The following SFMBT1 variants were observed in gnomAD, a reference collection of about 807,000 sequenced individuals.
SFMBT1 encodes Scm like with four mbt domains 1.
A neutral mutation model predicts 108.7 loss-of-function variants in SFMBT1; 32 were observed. That is an observed-to-expected ratio of 0.29 (90% CI 0.22 to 0.40). The LOEUF is 0.40. Among genes scored for constraint, SFMBT1 ranks in the 10% least tolerant of loss-of-function variants. SFMBT1 has a pLI of 1.00. For missense variants in SFMBT1, 816 were observed against 1,059.6 expected, an observed-to-expected ratio of 0.77 and a Z score of 3.19; for synonymous variants, 348 against 369.5, an observed-to-expected ratio of 0.94 and a Z score of 0.67.
At chr3:52,975,051 C>T (rs1035486066) in intron 1 of SFMBT1, among the ~76,000 whole-genome samples, 5 of 151,112 alleles carry the variant, frequency 3.3e-5, no homozygotes, top group African/African-American at 1.2e-4. Context: ...ATTTTATAAA[C>T]CCAACACAGG....
intron 1 of SFMBT1, among the ~76,000 whole-genome samples, chr3:52,973,135 T>G (rs1165773489): frequency 4.6e-5 from 7 of 152,148 alleles, no homozygotes; most frequent in Admixed American, 4.6e-4. Context: ...AAGGATCTCT[T>G]GAGCCCAGGA....
chr3:52,947,676 T>C (rs558690612), intron 3 of SFMBT1, among the ~76,000 whole-genome samples: 1 of 152,222 alleles, frequency 6.6e-6, no homozygotes, highest in Non-Finnish European at 1.5e-5. Context: ...CTTAAATTTA[T>C]TGTAGTCTAA....
chr3:52,969,033 C>A lies in SFMBT1; in HGVS notation c.28+68G>T. The A allele has an allele frequency of 1.9e-6, 3 of 1,575,458 alleles. No individual in the cohort carries two copies. The Admixed American group carries it at 5.1e-5, about 27-fold the overall frequency. ...TCCAGTTCAGTGGTAGAGAAACAGA[C>A]AATATAACACAGGCAAGTAATATAA... On this transcript the variant is annotated intron_variant, in intron 2 of 20. Coordinates refer to ENST00000394752, the MANE Select transcript of SFMBT1 (RefSeq NM_016329.4).
chr3:52,968,531 A>G (rs1704223229), intron 2 of SFMBT1, among the ~76,000 whole-genome samples: 1 of 152,184 alleles, frequency 6.6e-6, no homozygotes, highest in Non-Finnish European at 1.5e-5. Flanking sequence ...TAATTACTTC[A>G]AAATAACTAG....
intron 5 of SFMBT1, 99 bp downstream of exon 5, chr3:52,934,714 G>A (rs1702953119): frequency 9.4e-6 from 9 of 959,882 alleles, no homozygotes; most frequent in Middle Eastern, 2.2e-4. Context: ...TAATAATAAC[G>A]TTTATTTTCT....
intron 1 of SFMBT1, among the ~76,000 whole-genome samples, chr3:53,020,882 C>A (rs964307885): frequency 6.6e-6 from 1 of 152,124 alleles, no homozygotes; most frequent in Non-Finnish European, 1.5e-5. Flanking sequence ...CATGGAGAAA[C>A]CTTGTCTCTA....
At chr3:52,977,185 C>T (rs1704546290) in intron 1 of SFMBT1, among the ~76,000 whole-genome samples, 1 of 152,068 alleles carries the variant, frequency 6.6e-6, no homozygotes, top group Non-Finnish European at 1.5e-5. Context: ...TAGCAAGAAC[C>T]AAAATGTTTG....
At chr3:52,907,414 C>T in intron 18 of SFMBT1, 100 bp from the exon 19 acceptor site, 1 of 1,522,292 alleles carries the variant, frequency 6.6e-7, no homozygotes, top group Non-Finnish European at 8.8e-7. Flanking sequence ...AAATTCAGGA[C>T]AAACCAGTTC....
chr3:52,949,521 TA>T (rs1703494279), intron 3 of SFMBT1, among the ~76,000 whole-genome samples: 1 of 151,906 alleles, frequency 6.6e-6, no homozygotes, highest in East Asian at 1.9e-4. Context: ...TAAGGACTGT[TA>T]CGTCTTCTTG....
intron 1 of SFMBT1, among the ~76,000 whole-genome samples, chr3:53,001,068 C>T (rs937989032): frequency 6.7e-6 from 1 of 149,722 alleles, no homozygotes; most frequent in African/African-American, 2.4e-5. Context: ...TTGACATTCT[C>T]CCTAACAAGT....
At chr3:53,033,418 C>A (rs1354461009) in intron 1 of SFMBT1, among the ~76,000 whole-genome samples, 2 of 152,118 alleles carry the variant, frequency 1.3e-5, no homozygotes, top group Non-Finnish European at 2.9e-5. Context: ...GCCTCGGCCT[C>A]CCAAAGTGCT....
rs1489161635 is a variant in SFMBT1, at chr3:52,931,290, T to G, written c.701-255A>C. ...TAATGATTGTTGTAATCCATAAAATTGTAATATAACATCCAAATTGGGGCA... is the reference window on the plus strand; with the variant it reads ...TAATGATTGTTGTAATCCATAAAATGGTAATATAACATCCAAATTGGGGCA... On this transcript the variant is annotated intron_variant, in intron 6 of 20. Coordinates refer to ENST00000394752, the MANE Select transcript of SFMBT1 (RefSeq NM_016329.4). Among the ~76,000 whole-genome samples the G allele has an allele frequency of 3.3e-5, 5 of 152,310 alleles. No individual in the cohort carries two copies. The East Asian group carries it at 9.6e-4, about 29-fold the overall frequency.
chr3:52,955,072 G>T (rs564687482), intron 2 of SFMBT1, among the ~76,000 whole-genome samples: 1 of 152,098 alleles, frequency 6.6e-6, no homozygotes, highest in African/African-American at 2.4e-5. Flanking sequence ...GAATAGAACT[G>T]AAGGAGATAG....
intron 1 of SFMBT1, among the ~76,000 whole-genome samples, chr3:53,035,037 C>T (rs190985462): frequency 2.0e-5 from 3 of 152,340 alleles, no homozygotes; most frequent in Admixed American, 2.0e-4. Flanking sequence ...CTTAGCAGAA[C>T]AACACCCTAA....
chr3:52,910,186 C>A (rs186793120), intron 17 of SFMBT1, among the ~76,000 whole-genome samples: 1 of 152,200 alleles, frequency 6.6e-6, no homozygotes, highest in Non-Finnish European at 1.5e-5. Flanking sequence ...AAATACTGAC[C>A]CCTCTCTAAA....
intron 1 of SFMBT1, among the ~76,000 whole-genome samples, chr3:53,041,893 A>T (rs1406556038): frequency 6.6e-6 from 1 of 152,134 alleles, no homozygotes; most frequent in African/African-American, 2.4e-5. Context: ...ATTTTCAAAT[A>T]CAAAATATCC....
chr3:52,929,631 A>C (rs1441552746), intron 8 of SFMBT1, among the ~76,000 whole-genome samples: 1 of 152,194 alleles, frequency 6.6e-6, no homozygotes, highest in African/African-American at 2.4e-5. Flanking sequence ...CAGGCTCAGA[A>C]TCCCTCCTTG....
intron 1 of SFMBT1, among the ~76,000 whole-genome samples, chr3:53,032,737 G>A (rs1280427621): frequency 3.9e-5 from 6 of 152,178 alleles, no homozygotes; most frequent in Non-Finnish European, 8.8e-5. Context: ...GAATAAAACA[G>A]CATCTCTGAC....
chr3:53,022,238 C>T (rs1335114372), intron 1 of SFMBT1, among the ~76,000 whole-genome samples: 1 of 151,914 alleles, frequency 6.6e-6, no homozygotes, highest in Admixed American at 6.6e-5. Context: ...TCACTTGAGC[C>T]CAGGAGTTGG....
Sources: gnomAD v4.1 joint callset for allele counts (sites outside exome capture counted in the v4.1 genomes callset) on GRCh38, gnomAD v4.1.1 for gene constraint, MANE v1.5 for transcripts, NCBI Gene and HGNC (gene_info 2026-07-23, HGNC 2026-07-21) for gene names.